Variants in ZNRF3 observed in about 807,000 individuals in gnomAD.
ZNRF3 encodes E3 ubiquitin-protein ligase ZNRF3.
In ZNRF3, 23 loss-of-function variants were observed where a neutral mutation model predicts 72.5. That is an observed-to-expected ratio of 0.32 (90% CI 0.23 to 0.45). The LOEUF is 0.45. ZNRF3 is among the 20% of genes least tolerant of loss of function. The pLI is 1.00. For synonymous variants in ZNRF3, 610 were observed against 545.3 expected (o/e 1.12, Z -1.65); for missense variants, 1,169 against 1,272.1 (o/e 0.92, Z 1.23).
intron 1 of ZNRF3, among the ~76,000 whole-genome samples, chr22:28,972,432 A>G (rs5762923): frequency 0.016 from 2,476 of 152,308 alleles, 74 homozygotes; most frequent in East Asian, 0.09. Flanking sequence ...GTTGTAGCAT[A>G]TATCAGTACT....
rs147622007 is a variant in ZNRF3, at chr22:28,905,014, C to T, written c.300+20948C>T. ...GAAGTGCTGTGGAATGATCATAGCT[C>T]ACTGTCACCTTGATCTCCTCAAGTG... is the stretch of plus-strand genomic sequence containing the variant. On this transcript the variant is annotated intron_variant, in intron 1 of 8. Coordinates refer to ENST00000544604, the MANE Select transcript of ZNRF3 (RefSeq NM_001206998.2). 8.0e-3 allele frequency among the ~76,000 whole-genome samples: 1,215 copies of T among 151,368 alleles called. 18 individuals are homozygous for T. The highest frequency in any genetic ancestry group is 0.028 in the African/African-American group (1,165 of 41,220).
chr22:29,046,982 C>G, intron 6 of ZNRF3, 99 bp downstream of exon 6: 1 of 1,175,438 alleles, frequency 8.5e-7, no homozygotes, highest in Non-Finnish European at 1.1e-6. Context: ...TTCCATCACA[C>G]ACATCAACTT....
chr22:29,038,291 T>G (rs2036899953), intron 2 of ZNRF3, among the ~76,000 whole-genome samples: 1 of 151,738 alleles, frequency 6.6e-6, no homozygotes. Flanking sequence ...ATTTTTAAAC[T>G]GAAAATAAGG....
At chr22:28,992,821 A>C (rs1291140992) in intron 2 of ZNRF3, 1 of 152,202 alleles carries the variant, frequency 6.6e-6, no homozygotes, top group Non-Finnish European at 1.5e-5. Flanking sequence ...TACTACATAG[A>C]ATCAAATCCT....
At chr22:29,045,725 C>G (rs1403990867) in intron 5 of ZNRF3, among the ~76,000 whole-genome samples, 4 of 152,222 alleles carry the variant, frequency 2.6e-5, no homozygotes, top group Non-Finnish European at 5.9e-5. Context: ...GATCCGCCCG[C>G]CTCGGCCTCC....
chr22:28,885,312 G>T (rs2033760284), intron 1 of ZNRF3, among the ~76,000 whole-genome samples: 1 of 152,100 alleles, frequency 6.6e-6, no homozygotes, highest in African/African-American at 2.4e-5. Flanking sequence ...AGGCCCATGC[G>T]ATTAATCAGC....
chr22:28,943,203 C>T (rs536601681), intron 1 of ZNRF3, among the ~76,000 whole-genome samples: 9 of 152,242 alleles, frequency 5.9e-5, no homozygotes, highest in Admixed American at 3.3e-4. Context: ...TCCCCTCCCC[C>T]GGGGGTCCTC....
chr22:28,922,517 C>A lies in ZNRF3; in HGVS notation c.300+38451C>A, dbSNP rs534036427. Among the ~76,000 whole-genome samples the A allele has an allele frequency of 5.3e-5, 8 of 152,266 alleles. No individual in the cohort carries two copies. In the South Asian group the frequency reaches 8.3e-4, roughly 16 times the overall value. ...TTGTGTTCTTGAACATACTTCTAATCTTTTTTAGCCATTATGATAATATAT... is the reference window on the plus strand; with the variant it reads ...TTGTGTTCTTGAACATACTTCTAATATTTTTTAGCCATTATGATAATATAT... On this transcript the variant is annotated intron_variant, in intron 1 of 8. Coordinates refer to ENST00000544604, the MANE Select transcript of ZNRF3 (RefSeq NM_001206998.2).
chr22:28,915,741 A>G (rs991124669), intron 1 of ZNRF3, among the ~76,000 whole-genome samples: 20 of 152,246 alleles, frequency 1.3e-4, no homozygotes, highest in African/African-American at 4.8e-4. Flanking sequence ...ATGATTTCCG[A>G]AAAAGATTAA....
chr22:28,997,394 A>G (rs2036062113), intron 2 of ZNRF3, among the ~76,000 whole-genome samples: 1 of 141,518 alleles, frequency 7.1e-6, no homozygotes, highest in Non-Finnish European at 1.5e-5. Flanking sequence ...GTCTTCAAAA[A>G]TGTCAGGGTT....
At chr22:29,018,714 G>C (rs1255805197) in intron 2 of ZNRF3, 1 of 152,358 alleles carries the variant, frequency 6.6e-6, no homozygotes, top group Non-Finnish European at 1.5e-5. Context: ...ACAGAAATAG[G>C]CTGAGGAGCA....
At chr22:28,917,409 A>C (rs2034428134) in intron 1 of ZNRF3, 2 of 985,290 alleles carry the variant, frequency 2.0e-6, no homozygotes, top group South Asian at 9.4e-5. Context: ...TTGCTGCATC[A>C]CTGGTGAGCT....
Position 29,049,827 on chromosome 22 carries a change from G to C in ZNRF3, c.1646G>C (p.Ser549Thr), listed in dbSNP as rs1173987940. The stretch of plus-strand genomic sequence containing the variant: ...GGCTACCTGGCCGACTGCCCAGGCA[G>C]CGACAGCAGCAGCAGCAGCAGCTCC... ...CSGYLADCPG[S>T]DSSSSSSSGQ... The change falls in exon 8 of 9, where the codon AGC (serine) becomes ACC (threonine). Residue 549 changes from serine to threonine, a missense_variant. Around this residue, in one of 2 missense-constraint regions of ZNRF3, gnomAD observed 783 missense variants for 731.4 expected, o/e 1.07. Transcript: ENST00000544604. This position sits in a 1 kb window ranked among gnomAD's most constrained non-coding sequence, Gnocchi z 5.2. 6.2e-7 allele frequency: 1 copy of C among 1,609,116 alleles called. No individual in the cohort carries two copies. The highest frequency in any genetic ancestry group is 1.7e-5 in the Admixed American group (1 of 59,800).
chr22:29,046,795 G>A lies in ZNRF3; in HGVS notation c.824G>A (p.Arg275Gln), dbSNP rs759184314. The change falls in exon 6 of 9, where the codon CGG (arginine) becomes CAG (glutamine). Residue 275 changes from arginine to glutamine, a missense_variant. Physicochemically the swap from Arg to Gln is conservative, Grantham distance 43. Coordinates refer to ENST00000544604, the MANE Select transcript of ZNRF3 (RefSeq NM_001206998.2). Reference sequence around the variant, plus strand: ...TTCAACTCCAAGAGCAAGGGGCGCCGGGAGGGGAGCTGTGGGGCCCTGGAC... The same window carrying A: ...TTCAACTCCAAGAGCAAGGGGCGCCAGGAGGGGAGCTGTGGGGCCCTGGAC... ...RKFNSKSKGR[R>Q]EGSCGALDTL... 25 of 1,611,910 alleles carry A rather than the reference G, an allele frequency of 1.6e-5. No homozygotes were observed. Among genetic ancestry groups the A allele is most frequent in the Admixed American group, 1.5e-4 (9 of 59,796 alleles).
chr22:28,987,001 C>T (rs1361029300), intron 1 of ZNRF3, 75 bp from the exon 2 acceptor site: 1 of 1,520,430 alleles, frequency 6.6e-7, no homozygotes, highest in East Asian at 2.3e-5. Flanking sequence ...GCTATAGCAT[C>T]TGAGAAATAC....
chr22:28,894,115 C>T (rs1459779977), intron 1 of ZNRF3, among the ~76,000 whole-genome samples: 2 of 151,872 alleles, frequency 1.3e-5, no homozygotes, highest in Admixed American at 1.3e-4. Context: ...CACCACCATG[C>T]CTGGCTAATT....
intron 1 of ZNRF3, among the ~76,000 whole-genome samples, chr22:28,976,784 G>A (rs2035682522): frequency 6.6e-6 from 1 of 152,104 alleles, no homozygotes; most frequent in Non-Finnish European, 1.5e-5. Context: ...GTCACTCTGA[G>A]TCACTTCAAG....
At chr22:28,931,232 G>A (rs751818297) in intron 1 of ZNRF3, among the ~76,000 whole-genome samples, 6 of 152,152 alleles carry the variant, frequency 3.9e-5, no homozygotes, top group Non-Finnish European at 8.8e-5. Flanking sequence ...AATTAGAGCC[G>A]TCTGCTAGTC....
chr22:29,049,419 C>T lies in ZNRF3; in HGVS notation c.1238C>T (p.Pro413Leu). The T allele has an allele frequency of 1.2e-6, 2 of 1,607,570 alleles. No homozygotes were observed. Among genetic ancestry groups the T allele is most frequent in the Non-Finnish European group, 1.7e-6 (2 of 1,179,400 alleles). The change falls in exon 8 of 9, where the codon CCC becomes CTC. Residue 413 changes from proline to leucine, a missense_variant. Physicochemically the swap from Pro to Leu is moderately conservative, Grantham distance 98. Transcript: ENST00000544604. This position sits in a 1 kb window ranked among gnomAD's most constrained non-coding sequence, Gnocchi z 5.2. ...CAGAGCCTCTATTCCCCGCAGACCC[C>T]CGCCTACATCCGCAGCTACCCACCC... Reference protein sequence around the residue: ...GEQSLYSPQTPAYIRSYPPLH... With the variant: ...GEQSLYSPQTLAYIRSYPPLH...
Sources: gnomAD v4.1 joint callset for allele counts (sites outside exome capture counted in the v4.1 genomes callset) on GRCh38, gnomAD v4.1.1 for gene constraint, gnomAD v4.1.1 regional missense constraint, Gnocchi (gnomAD v3.1) non-coding constraint, MANE v1.5 for transcripts, NCBI Gene and HGNC (gene_info 2026-07-23, HGNC 2026-07-21) for gene names.